The following DMRT1 variants were observed in gnomAD, a reference collection of about 807,000 sequenced individuals.
The protein encoded by DMRT1 is doublesex and mab-3 related transcription factor 1.
DMRT1 carries 7 observed loss-of-function variants against 32.3 expected under a neutral mutation model. The observed-to-expected ratio is 0.22, with a 90% CI of 0.12 to 0.41. The LOEUF is 0.41. Among genes scored for constraint, DMRT1 ranks in the 10% least tolerant of loss-of-function variants. DMRT1 has a pLI of 1.00. For missense variants in DMRT1, 625 were observed against 500.5 expected, an observed-to-expected ratio of 1.25 and a Z score of -2.37; for synonymous variants, 278 against 206.1, an observed-to-expected ratio of 1.35 and a Z score of -2.99.
intron 3 of DMRT1, among the ~76,000 whole-genome samples, chr9:906,020 GACACACACACCCACAC>G (rs965987417): frequency 6.2e-5 from 3 of 48,100 alleles, no homozygotes; most frequent in Admixed American, 3.0e-4. Context: ...ATGCTTCTGT[GACACACACACCCACAC>G]ACACACACAC....
intron 4 of DMRT1, among the ~76,000 whole-genome samples, chr9:938,410 G>A (rs766477252): frequency 6.6e-6 from 1 of 152,042 alleles, no homozygotes; most frequent in African/African-American, 2.4e-5. Context: ...CCATGAACAC[G>A]GGATGATGTC....
intron 4 of DMRT1, among the ~76,000 whole-genome samples, chr9:932,917 T>C (rs1196837298): frequency 6.6e-6 from 1 of 151,640 alleles, no homozygotes; most frequent in African/African-American, 2.4e-5. Flanking sequence ...TTCCAAGCTT[T>C]CTTTTTTTTT....
chr9:956,483 G>A (rs1319399459), intron 4 of DMRT1, among the ~76,000 whole-genome samples: 2 of 151,644 alleles, frequency 1.3e-5, no homozygotes, highest in Non-Finnish European at 2.9e-5. Context: ...AGGATCACCT[G>A]AGCCCAGAAG....
At position 900,783 on chromosome 9, in the gene DMRT1, C is replaced by T. The variant is rs1817542784; in HGVS notation, c.822+6588C>T. Among the ~76,000 whole-genome samples the T allele has an allele frequency of 3.3e-5, 5 of 151,278 alleles. No individual in the cohort carries two copies. In the East Asian group the frequency reaches 5.9e-4, roughly 18 times the overall value. On this transcript the variant is annotated intron_variant, in intron 3 of 4. Coordinates refer to ENST00000382276, the MANE Select transcript of DMRT1 (RefSeq NM_021951.3). ...CACTGCAGCCTCCAACTCCTGGGTT[C>T]GAGTGATCCTCCCATCTCAGTCTCA...
intron 2 of DMRT1, among the ~76,000 whole-genome samples, chr9:863,591 T>A (rs757460123): frequency 6.6e-6 from 1 of 152,116 alleles, no homozygotes; most frequent in Non-Finnish European, 1.5e-5. Flanking sequence ...ATCTAACTGA[T>A]TGAGCAAAGA....
chr9:951,732 T>C (rs1307928992), intron 4 of DMRT1, among the ~76,000 whole-genome samples: 1 of 152,132 alleles, frequency 6.6e-6, no homozygotes, highest in Non-Finnish European at 1.5e-5. Context: ...TTGACAGAAA[T>C]GAGACCCTGG....
intron 4 of DMRT1, among the ~76,000 whole-genome samples, chr9:952,239 A>T (rs1392356509): frequency 6.6e-6 from 1 of 152,228 alleles, no homozygotes; most frequent in Non-Finnish European, 1.5e-5. Context: ...TGTTCTGTGA[A>T]TTACGTAACC....
chr9:938,902 C>T (rs1818971671), intron 4 of DMRT1, among the ~76,000 whole-genome samples: 1 of 152,166 alleles, frequency 6.6e-6, no homozygotes, highest in African/African-American at 2.4e-5. Flanking sequence ...TCATGTTGAA[C>T]ACTAATAGCC....
At chr9:919,605 G>C (rs1470503634) in intron 4 of DMRT1, among the ~76,000 whole-genome samples, 1 of 152,168 alleles carries the variant, frequency 6.6e-6, no homozygotes, top group African/African-American at 2.4e-5. Context: ...AAACAATTAG[G>C]CTTTTATTTC....
chr9:884,255 T>A (rs776861125), intron 2 of DMRT1, among the ~76,000 whole-genome samples: 1 of 151,878 alleles, frequency 6.6e-6, no homozygotes, highest in African/African-American at 2.4e-5. Flanking sequence ...TATTAATATG[T>A]CATGGGCCCA....
rs761783549 is a variant in DMRT1 at position 868,017 on chromosome 9, G to A, written c.538+20874G>A. ...TTTATTTTGAGACAGGGTCTCTATC[G>A]CCCAGGCTGGAGTGCAGTCGTGTGA... On this transcript the variant is annotated intron_variant, in intron 2 of 4. Transcript: ENST00000382276. Among the ~76,000 whole-genome samples the A allele has an allele frequency of 3.9e-5, 6 of 151,980 alleles. No individual in the cohort carries two copies. In the South Asian group the frequency reaches 6.2e-4, roughly 16 times the overall value.
In DMRT1 at chr9:968,268, T is replaced by C; in HGVS notation, c.*129T>C. 1.7e-6 allele frequency: 2 copies of C among 1,148,056 alleles called. No homozygotes were observed. Among genetic ancestry groups the C allele is most frequent in the South Asian group, 2.7e-5 (2 of 73,174 alleles). 71.1% of individuals were successfully genotyped at this position (1,148,056 alleles called of 1,614,324 possible). A position where few individuals can be genotyped will look rare whatever the true frequency, so the allele number is the denominator to read the frequency against. On this transcript the variant is annotated 3_prime_UTR_variant, in exon 5 of 5. Transcript: ENST00000382276. ...GAGAACGTATTTGGTTTATATTCCT[T>C]AGAGTTTAGTCCAGAGGCTGTAACA...
At chr9:862,540 A>G (rs1228611102) in intron 2 of DMRT1, among the ~76,000 whole-genome samples, 1 of 150,924 alleles carries the variant, frequency 6.6e-6, no homozygotes, top group Non-Finnish European at 1.5e-5. Flanking sequence ...GGGGAGGGAG[A>G]TTGAGATTTA....
chr9:866,216 A>C (rs1374307541), intron 2 of DMRT1, among the ~76,000 whole-genome samples: 1 of 151,558 alleles, frequency 6.6e-6, no homozygotes, highest in Non-Finnish European at 1.5e-5. Flanking sequence ...TAACCACACA[A>C]ATACTCAGGA....
At chr9:887,371 C>T (rs867494564) in intron 2 of DMRT1, among the ~76,000 whole-genome samples, 41 of 152,280 alleles carry the variant, frequency 2.7e-4, no homozygotes, top group Admixed American at 2.0e-3. Context: ...TCCTTATTCT[C>T]TTAGGTCTGT....
At chr9:860,200 G>C (rs1471160720) in intron 2 of DMRT1, among the ~76,000 whole-genome samples, 1 of 152,140 alleles carries the variant, frequency 6.6e-6, no homozygotes, top group East Asian at 1.9e-4. Context: ...GGGAGGCTGG[G>C]GCAGGAGAAT....
At chr9:848,340 T>C (rs1438684262) in intron 2 of DMRT1, among the ~76,000 whole-genome samples, 1 of 152,136 alleles carries the variant, frequency 6.6e-6, no homozygotes, top group Non-Finnish European at 1.5e-5. Flanking sequence ...ATCTTGGCCA[T>C]TATTAAAAAG....
chr9:849,116 T>A (rs1339748355), intron 2 of DMRT1, among the ~76,000 whole-genome samples: 3 of 151,742 alleles, frequency 2.0e-5, no homozygotes. Context: ...TTATCCTCAT[T>A]TACAGATAGG....
intron 4 of DMRT1, among the ~76,000 whole-genome samples, chr9:938,351 A>C (rs1199646752): frequency 1.3e-5 from 2 of 152,230 alleles, no homozygotes; most frequent in African/African-American, 4.8e-5. Flanking sequence ...TTGAATCTGT[A>C]GATTGTTTTG....
Sources: gnomAD v4.1 joint callset for allele counts (sites outside exome capture counted in the v4.1 genomes callset) on GRCh38, gnomAD v4.1.1 for gene constraint, MANE v1.5 for transcripts, NCBI Gene and HGNC (gene_info 2026-07-23, HGNC 2026-07-21) for gene names.